Variants in CFAP74 observed in about 807,000 individuals in gnomAD.
CFAP74 encodes the protein cilia and flagella associated protein 74.
Under a neutral mutation model 188.9 loss-of-function variants are expected in CFAP74, and 124 were observed. The observed-to-expected ratio is 0.66, with a 90% CI of 0.57 to 0.76. The LOEUF (loss-of-function observed/expected upper bound fraction) is 0.76. CFAP74 is among the 30% of genes least tolerant of loss of function. The probability of loss-of-function intolerance (pLI) is 0.00; values close to 1 mark genes in which losing one functional copy is unlikely to be tolerated. For synonymous variants in CFAP74, 956 were observed against 916.7 expected (o/e 1.04, Z -0.77); for missense variants, 2,198 against 2,165.2 (o/e 1.02, Z -0.30).
chr1:1,930,401 C>G, intron 25 of CFAP74, 65 bp from the exon 26 acceptor site: 1 of 1,436,812 alleles, frequency 7.0e-7, no homozygotes, highest in Non-Finnish European at 9.2e-7. Context: ...GCGGCAGGCG[C>G]GGGGGCCACT....
intron 9 of CFAP74, among the ~76,000 whole-genome samples, 180 bp from the exon 10 acceptor site, chr1:1,970,996 A>G (rs570395849): frequency 2.0e-5 from 3 of 147,406 alleles, no homozygotes; most frequent in South Asian, 2.2e-4. Flanking sequence ...GTGCACACAC[A>G]CACGCACACC....
In CFAP74 at chr1:1,973,492, C is replaced by T. The variant is rs1006317681; in HGVS notation, c.675-445G>A. Reference sequence around the variant, plus strand: ...GAAGGGGGTCCCGAGGAGAGAGGCTCACGGCAGGTTGGGACAGCTGGCCTG... The same window carrying T: ...GAAGGGGGTCCCGAGGAGAGAGGCTTACGGCAGGTTGGGACAGCTGGCCTG... On this transcript the variant is annotated intron_variant, in intron 7 of 38. Transcript: ENST00000682832. The surrounding 1 kb of genome is among the most constrained non-coding windows in gnomAD (Gnocchi z 6.2). Among the ~76,000 whole-genome samples, 1 of 152,004 alleles carries T rather than the reference C, an allele frequency of 6.6e-6. No individual in the cohort carries two copies. The highest frequency in any genetic ancestry group is 1.5e-5 in the Non-Finnish European group (1 of 68,002).
intron 4 of CFAP74, chr1:1,987,845 G>C (rs543168820): frequency 3.0e-6 from 1 of 330,070 alleles, no homozygotes; most frequent in Admixed American, 4.2e-5. Context: ...CGGCCATGAC[G>C]GTCACTTGGA....
intron 6 of CFAP74, among the ~76,000 whole-genome samples, chr1:1,977,153 T>C (rs1656502539): frequency 6.6e-6 from 1 of 152,160 alleles, no homozygotes; most frequent in Admixed American, 6.5e-5. Flanking sequence ...CAGCCACCTC[T>C]TTTCTTTATA....
rs2803328 is a variant in CFAP74, at chr1:1,942,887, C to G, written c.2487-731G>C. Among the ~76,000 whole-genome samples, 61,890 of 152,034 alleles carry G rather than the reference C, an allele frequency of 0.41. 14,273 individuals are homozygous for G. The highest frequency in any genetic ancestry group is 0.53 in the Admixed American group (8,114 of 15,278). ...TGTGGCAGTGAGAAATCTCCTCCCTCCTGTGCTTCCATGCGACAGTCACCC... is the reference window on the plus strand; with the variant it reads ...TGTGGCAGTGAGAAATCTCCTCCCTGCTGTGCTTCCATGCGACAGTCACCC... On this transcript the variant is annotated intron_variant, in intron 21 of 38. Transcript: ENST00000682832. This position sits in a 1 kb window ranked among gnomAD's most constrained non-coding sequence, Gnocchi z 4.3.
chr1:1,929,989 G>C, intron 26 of CFAP74, 71 bp downstream of exon 26: 1 of 1,431,158 alleles, frequency 7.0e-7, no homozygotes, highest in Non-Finnish European at 9.2e-7. Flanking sequence ...GGCAGAGCCA[G>C]ACACCCCAGG....
At chr1:1,993,942 A>T (rs1356443342) in intron 1 of CFAP74, among the ~76,000 whole-genome samples, 2 of 151,204 alleles carry the variant, frequency 1.3e-5, no homozygotes, top group South Asian at 2.1e-4. Context: ...AGATCACACC[A>T]CTGCACTCCA....
Position 1,928,765 on chromosome 1 carries a change from C to T in CFAP74, c.3387+19G>A, listed in dbSNP as rs769281847. 5.9e-6 allele frequency: 9 copies of T among 1,527,818 alleles called. No individual in the cohort carries two copies. The Admixed American group carries it at 1.4e-4, about 23-fold the overall frequency. 94.6% of individuals were successfully genotyped at this position (1,527,818 alleles called of 1,614,324 possible). A position where few individuals can be genotyped will look rare whatever the true frequency, so the allele number is the denominator to read the frequency against. ...GGCCCTTCCCCGACCTACGCCCCTCCTTCCCGGGCCCCACGCACAGATTTG... is the reference window on the plus strand; with the variant it reads ...GGCCCTTCCCCGACCTACGCCCCTCTTTCCCGGGCCCCACGCACAGATTTG... On this transcript the variant is annotated intron_variant, in intron 27 of 38. Transcript: ENST00000682832.
chr1:1,946,097 G>C (rs530963365), intron 20 of CFAP74, among the ~76,000 whole-genome samples: 1 of 152,334 alleles, frequency 6.6e-6, no homozygotes, highest in South Asian at 2.1e-4. Flanking sequence ...ATGGGCATGC[G>C]TGTATGTGCT....
Position 1,942,219 on chromosome 1 carries a change from G to A in CFAP74, c.2487-63C>T. ...AGTCGTGATTCTGTGTGCGCTCAAT[G>A]CCTGGAGTTATTAAAACATTTCTGG... On this transcript the variant is annotated intron_variant, in intron 21 of 38. Transcript: ENST00000682832. The surrounding 1 kb of genome is among the most constrained non-coding windows in gnomAD (Gnocchi z 4.3). 7.3e-7 allele frequency: 1 copy of A among 1,372,444 alleles called. No individual in the cohort carries two copies. The highest frequency in any genetic ancestry group is 9.4e-7 in the Non-Finnish European group (1 of 1,060,738). The allele number at this position is 1,372,444 out of a possible 1,614,324, so 85.0% of individuals were successfully genotyped here.
In CFAP74 at chr1:1,930,355, G is replaced by A; in HGVS notation, c.3012-19C>T. On this transcript the variant is annotated intron_variant, in intron 25 of 38. Transcript: ENST00000682832. ...GAAGCACCTGCAAGCAGCAGCATGG[G>A]AGGCCCTCAGCCGTGCAGGGCGTCC... 2 of 1,507,440 alleles carry A rather than the reference G, an allele frequency of 1.3e-6. No homozygotes were observed. The highest frequency in any genetic ancestry group is 2.5e-5 in the South Asian group (2 of 80,492). The allele number at this position is 1,507,440 out of a possible 1,614,324, so 93.4% of individuals were successfully genotyped here.
intron 10 of CFAP74, among the ~76,000 whole-genome samples, chr1:1,969,104 A>G (rs913413506): frequency 1.6e-4 from 25 of 152,096 alleles, no homozygotes; most frequent in African/African-American, 4.6e-4. Flanking sequence ...GCCAAGCCAG[A>G]GGTTCCAGGC....
At position 1,942,231 on chromosome 1, in the gene CFAP74, TA is replaced by T; in HGVS notation, c.2487-76del. On this transcript the variant is annotated intron_variant, in intron 21 of 38. Coordinates refer to ENST00000682832, the MANE Select transcript of CFAP74 (RefSeq NM_001304360.2). This position sits in a 1 kb window ranked among gnomAD's most constrained non-coding sequence, Gnocchi z 4.3. ...GTGTGCGCTCAATGCCTGGAGTTAT[TA>T]AAACATTTCTGGCACCCAAGCCCCC... The T allele has an allele frequency of 7.4e-7, 1 of 1,348,300 alleles. No homozygotes were observed. The highest frequency in any genetic ancestry group is 9.6e-7 in the Non-Finnish European group (1 of 1,045,702). 83.5% of individuals were successfully genotyped at this position (1,348,300 alleles called of 1,614,324 possible). A position where few individuals can be genotyped will look rare whatever the true frequency, so the allele number is the denominator to read the frequency against.
chr1:1,998,474 C>T (rs193121036), intron 1 of CFAP74, among the ~76,000 whole-genome samples: 4 of 152,220 alleles, frequency 2.6e-5, no homozygotes, highest in African/African-American at 7.2e-5. Context: ...TGCTGTGAGG[C>T]TGATAGTTGC....
chr1:1,924,632 C>A, intron 33 of CFAP74, 112 bp from the exon 34 acceptor site: 1 of 1,255,460 alleles, frequency 8.0e-7, no homozygotes, highest in Non-Finnish European at 1.1e-6. Context: ...CAAGTGGGGA[C>A]CCGGGTGGCC....
At chr1:1,983,276 A>C (rs1251248063) in intron 6 of CFAP74, among the ~76,000 whole-genome samples, 1 of 152,226 alleles carries the variant, frequency 6.6e-6, no homozygotes, top group Admixed American at 6.5e-5. Context: ...CTCGTGTGAA[A>C]GGGGACACGG....
At chr1:1,944,751 C>T (rs1265577855) in intron 20 of CFAP74, among the ~76,000 whole-genome samples, 3 of 152,030 alleles carry the variant, frequency 2.0e-5, no homozygotes, top group African/African-American at 2.4e-5. Flanking sequence ...GGATTACAGG[C>T]GCCCGCCACC....
intron 5 of CFAP74, among the ~76,000 whole-genome samples, chr1:1,986,318 C>T (rs537980847): frequency 2.6e-5 from 4 of 152,206 alleles, no homozygotes; most frequent in Non-Finnish European, 5.9e-5. Flanking sequence ...CCTGGAGGGG[C>T]AGAGGTTGCA....
intron 20 of CFAP74, 126 bp from the exon 21 acceptor site, chr1:1,944,578 G>T: frequency 1.1e-6 from 1 of 938,286 alleles, no homozygotes; most frequent in Non-Finnish European, 1.6e-6. Context: ...CTTTGGGACG[G>T]CTGTGGCACT....
Sources: gnomAD v4.1 joint callset for allele counts (sites outside exome capture counted in the v4.1 genomes callset) on GRCh38, gnomAD v4.1.1 for gene constraint, Gnocchi (gnomAD v3.1) non-coding constraint, MANE v1.5 for transcripts, NCBI Gene and HGNC (gene_info 2026-07-23, HGNC 2026-07-21) for gene names.